GRM8: variants seen among roughly 807,000 people sequenced by gnomAD.
GRM8 encodes glutamate metabotropic receptor 8.
GRM8 carries 47 observed loss-of-function variants against 87.2 expected under a neutral mutation model. That is an observed-to-expected ratio of 0.54 (90% confidence interval 0.43 to 0.69). The LOEUF (loss-of-function observed/expected upper bound fraction) is 0.69. Among genes scored for constraint, GRM8 ranks in the 30% least tolerant of loss-of-function variants. The pLI is 0.00. For synonymous variants in GRM8, 396 were observed against 404.5 expected (o/e 0.98, Z 0.25); for missense variants, 1,019 against 1,139.2 (o/e 0.89, Z 1.52).
intron 8 of GRM8, among the ~76,000 whole-genome samples, chr7:126,542,250 G>T (rs1335476786): frequency 6.6e-6 from 1 of 152,184 alleles, no homozygotes; most frequent in Non-Finnish European, 1.5e-5. Flanking sequence ...GTCGGCATTT[G>T]TATTACTAAA....
intron 10 of GRM8, among the ~76,000 whole-genome samples, chr7:126,441,008 C>T (rs1278684531): frequency 6.6e-6 from 1 of 151,976 alleles, no homozygotes; most frequent in Non-Finnish European, 1.5e-5. Context: ...AATGAAAGAA[C>T]AGATCAATTA....
intron 7 of GRM8, among the ~76,000 whole-genome samples, chr7:126,761,252 T>TC (rs34861817): frequency 0.38 from 57,614 of 151,354 alleles, 12,404 homozygotes; most frequent in Non-Finnish European, 0.48. Context: ...GTCAAGTTGA[T>TC]ATATCAATAG....
At chr7:126,737,783 T>C (rs970071265) in intron 7 of GRM8, among the ~76,000 whole-genome samples, 8 of 152,056 alleles carry the variant, frequency 5.3e-5, no homozygotes, top group African/African-American at 1.9e-4. Flanking sequence ...AAGTAAGTCA[T>C]GACTCCCACC....
chr7:126,947,274 A>T (rs1165686838), intron 3 of GRM8, among the ~76,000 whole-genome samples: 1 of 152,262 alleles, frequency 6.6e-6, no homozygotes, highest in African/African-American at 2.4e-5. Flanking sequence ...TTAATATGTC[A>T]TTAAGTATTC....
intron 7 of GRM8, among the ~76,000 whole-genome samples, chr7:126,719,843 T>C (rs1812174218): frequency 7.1e-6 from 1 of 139,932 alleles, no homozygotes; most frequent in South Asian, 2.2e-4. Context: ...AAGATAGTCT[T>C]TAGTCTTGAA....
At chr7:126,866,458 C>T (rs1420427822) in intron 6 of GRM8, among the ~76,000 whole-genome samples, 3 of 150,712 alleles carry the variant, frequency 2.0e-5, no homozygotes, top group African/African-American at 7.3e-5. Flanking sequence ...ATTTCTTATG[C>T]TTTTTGGTGG....
intron 2 of GRM8, among the ~76,000 whole-genome samples, chr7:127,197,416 T>C (rs913661045): frequency 6.6e-6 from 1 of 152,162 alleles, no homozygotes; most frequent in South Asian, 2.1e-4. Context: ...GTTGCTAAGT[T>C]ACTATCTCTA....
At chr7:126,742,598 C>T (rs1815139824) in intron 7 of GRM8, among the ~76,000 whole-genome samples, 1 of 151,902 alleles carries the variant, frequency 6.6e-6, no homozygotes, top group South Asian at 2.1e-4. Context: ...ATTTTACCCT[C>T]AGTGCCCAGA....
chr7:126,477,567 G>GAAAGAAAGAGAAAGAAAGA (rs1806084963), intron 9 of GRM8, among the ~76,000 whole-genome samples: 3 of 96,366 alleles, frequency 3.1e-5, no homozygotes, highest in Admixed American at 1.1e-4. Context: ...GTAAGAGAAA[G>GAAAGAAAGAGAAAGAAAGA]AAAGAAAGAA....
chr7:126,693,959 G>T (rs1026349727), intron 7 of GRM8, among the ~76,000 whole-genome samples: 3 of 151,700 alleles, frequency 2.0e-5, no homozygotes, highest in Admixed American at 2.0e-4. Context: ...TATGCCCTTT[G>T]TAAATTGCTA....
chr7:127,229,222 C>T (rs911712670), intron 2 of GRM8: 1 of 152,200 alleles, frequency 6.6e-6, no homozygotes, highest in Non-Finnish European at 1.5e-5. Flanking sequence ...GCTAAACCCA[C>T]CCTGCTCCAC....
rs1291615519 is a variant in GRM8, at chr7:127,243,266, GCAC to G, written c.-65_-63del. The G allele has an allele frequency of 6.8e-7, 1 of 1,473,148 alleles. No individual in the cohort carries two copies. The highest frequency in any genetic ancestry group is 9.2e-7 in the Non-Finnish European group (1 of 1,086,310). The allele number at this position is 1,473,148 out of a possible 1,614,324, so 91.3% of individuals were successfully genotyped here. A position where few individuals can be genotyped will look rare whatever the true frequency, so the allele number is the denominator to read the frequency against. On this transcript the variant is annotated 5_prime_UTR_variant, in exon 2 of 11. Transcript: ENST00000339582. The stretch of plus-strand genomic sequence containing the variant: ...GTTTATTCTTGCCACAGAAGAAAGG[GCAC>G]CACCTGAGGCTGCACCTTCTGGAGG...
intron 9 of GRM8, among the ~76,000 whole-genome samples, chr7:126,462,810 T>C (rs1467588389): frequency 2.0e-5 from 3 of 151,658 alleles, no homozygotes; most frequent in Non-Finnish European, 4.4e-5. Flanking sequence ...GTCCTATACT[T>C]TCTTTTTCCT....
intron 9 of GRM8, among the ~76,000 whole-genome samples, chr7:126,496,191 G>A (rs1213025406): frequency 1.3e-5 from 2 of 151,822 alleles, no homozygotes; most frequent in East Asian, 1.9e-4. Flanking sequence ...ATGCAGAAAG[G>A]AAAGGACAGA....
At chr7:126,824,931 TTCC>T (rs1369774674) in intron 6 of GRM8, among the ~76,000 whole-genome samples, 2 of 152,224 alleles carry the variant, frequency 1.3e-5, no homozygotes, top group East Asian at 3.9e-4. Context: ...AACCTCAATA[TTCC>T]AAAACTCTCT....
intron 7 of GRM8, among the ~76,000 whole-genome samples, chr7:126,655,110 G>A (rs1335004201): frequency 6.6e-6 from 1 of 152,148 alleles, no homozygotes; most frequent in African/African-American, 2.4e-5. Context: ...TTTTCAGGAA[G>A]AAAATGTGAT....
chr7:126,552,390 T>G (rs1792683655), intron 8 of GRM8, among the ~76,000 whole-genome samples: 1 of 152,148 alleles, frequency 6.6e-6, no homozygotes, highest in African/African-American at 2.4e-5. Context: ...AATAATATTT[T>G]TAATGTATGT....
chr7:126,889,935 G>A (rs3873803), intron 6 of GRM8, among the ~76,000 whole-genome samples: 28 of 151,990 alleles, frequency 1.8e-4, no homozygotes, highest in African/African-American at 6.5e-4. Context: ...TAGAAAATCC[G>A]ATCCAAAATG....
At chr7:126,890,548 T>C (rs530676139) in intron 6 of GRM8, among the ~76,000 whole-genome samples, 1 of 152,186 alleles carries the variant, frequency 6.6e-6, no homozygotes, top group South Asian at 2.1e-4. Flanking sequence ...TTCCCCCTTG[T>C]GGTGGAAACT....
Sources: allele counts gnomAD v4.1 joint callset (sites outside exome capture counted in the v4.1 genomes callset), GRCh38; gene constraint gnomAD v4.1.1; transcripts MANE v1.5; gene names NCBI Gene and HGNC (gene_info 2026-07-23, HGNC 2026-07-21).